The following SPAG16 variants were observed in gnomAD, a reference collection of about 807,000 sequenced individuals.
SPAG16 encodes sperm associated antigen 16.
SPAG16 carries 86 observed loss-of-function variants against 80.4 expected under a neutral mutation model. That is an observed-to-expected ratio of 1.07 (90% CI 0.90 to 1.28). SPAG16 has a LOEUF of 1.28. Among genes scored for constraint, SPAG16 ranks in the 50% most tolerant of loss-of-function variants. SPAG16 has a pLI of 0.00. For synonymous variants in SPAG16, 294 were observed against 265.9 expected, an observed-to-expected ratio of 1.11 and a Z score of -1.03; for missense variants, 870 against 765.3, an observed-to-expected ratio of 1.14 and a Z score of -1.61.
chr2:214,387,217 TATA>T (rs1204735428), intron 15 of SPAG16, among the ~76,000 whole-genome samples: 2 of 152,198 alleles, frequency 1.3e-5, no homozygotes, highest in Non-Finnish European at 2.9e-5. Flanking sequence ...ATGCCATATA[TATA>T]ATATTGGTAA....
intron 9 of SPAG16, among the ~76,000 whole-genome samples, chr2:213,452,651 G>A (rs2071769917): frequency 6.6e-6 from 1 of 152,142 alleles, no homozygotes; most frequent in African/African-American, 2.4e-5. Flanking sequence ...GTTGAGATGA[G>A]GACAATAATT....
chr2:213,374,984 T>G, intron 8 of SPAG16, 26 bp from the exon 9 acceptor site: 1 of 1,509,492 alleles, frequency 6.6e-7, no homozygotes, highest in Non-Finnish European at 9.0e-7. Flanking sequence ...GTGCAAATAT[T>G]AAGAATAAAT....
chr2:213,346,165 T>A (rs867660422), intron 6 of SPAG16, among the ~76,000 whole-genome samples: 6 of 152,190 alleles, frequency 3.9e-5, no homozygotes, highest in Middle Eastern at 6.3e-3. Context: ...AGTTCACTCA[T>A]GATTTGGCTC....
intron 8 of SPAG16, 45 bp downstream of exon 8, chr2:213,364,190 G>C (rs2066150295): frequency 8.3e-7 from 1 of 1,201,202 alleles, no homozygotes. Context: ...ATAGTTTGGT[G>C]ATTTCTCAAC....
intron 9 of SPAG16, chr2:213,396,813 G>T: frequency 3.9e-6 from 1 of 259,026 alleles, no homozygotes; most frequent in Non-Finnish European, 8.0e-6. Flanking sequence ...CTTTATCTGT[G>T]TTCTTTACAG....
At chr2:213,286,756 A>G (rs142952522) in intron 1 of SPAG16, among the ~76,000 whole-genome samples, 1 of 152,252 alleles carries the variant, frequency 6.6e-6, no homozygotes, top group Non-Finnish European at 1.5e-5. Flanking sequence ...TGAGCTATCA[A>G]TATCGAGCAA....
chr2:214,012,061 A>G (rs1315952879), intron 12 of SPAG16, among the ~76,000 whole-genome samples: 4 of 151,650 alleles, frequency 2.6e-5, no homozygotes, highest in African/African-American at 7.3e-5. Flanking sequence ...CACTAAAGTT[A>G]AACGGTTACC....
intron 9 of SPAG16, among the ~76,000 whole-genome samples, chr2:213,489,315 G>A (rs1034558094): frequency 6.6e-6 from 1 of 152,022 alleles, no homozygotes; most frequent in Non-Finnish European, 1.5e-5. Context: ...ACTGAGGAAG[G>A]ACTACTTTCT....
intron 9 of SPAG16, among the ~76,000 whole-genome samples, chr2:213,406,680 G>A (rs780868292): frequency 5.9e-5 from 9 of 152,088 alleles, no homozygotes; most frequent in Non-Finnish European, 1.2e-4. Context: ...CTGTATGGGC[G>A]CACCCTTCTA....
At chr2:213,422,390 C>G in intron 9 of SPAG16, 2 of 661,200 alleles carry the variant, frequency 3.0e-6, no homozygotes, top group Non-Finnish European at 5.5e-6. Flanking sequence ...ACTGCAGCAG[C>G]TGGCATGCCT....
chr2:213,443,316 C>T (rs565008385), intron 9 of SPAG16, among the ~76,000 whole-genome samples: 40 of 152,268 alleles, frequency 2.6e-4, no homozygotes, highest in Admixed American at 2.3e-3. Context: ...TTCTTTCCCT[C>T]CTTGTCACTA....
chr2:213,607,973 T>C (rs775906326), intron 10 of SPAG16, among the ~76,000 whole-genome samples: 5 of 152,358 alleles, frequency 3.3e-5, no homozygotes, highest in Middle Eastern at 3.4e-3. Flanking sequence ...TAGAAAGTAC[T>C]AAATTTAACT....
rs117619722 is a variant in SPAG16 at position 214,108,274 on chromosome 2, C to T, written c.1593+13C>T. On this transcript the variant is annotated intron_variant, in intron 14 of 15. Transcript: ENST00000331683. ...TTTTGATCCCAGGGTAAGTTCAGTT[C>T]TCCCAGTAAACTGTTTTTAATGCTT... 389 of 1,596,666 alleles carry T rather than the reference C, an allele frequency of 2.4e-4. 2 individuals are homozygous for T. In the East Asian group the frequency reaches 8.3e-3, roughly 34 times the overall value.
At chr2:214,178,013 T>TATATATG (rs1559108494) in intron 15 of SPAG16, among the ~76,000 whole-genome samples, 2 of 67,336 alleles carry the variant, frequency 3.0e-5, no homozygotes. Context: ...ATATATATAT[T>TATATATG]CATACTTTAT....
At chr2:214,350,349 C>A (rs1698316011) in intron 15 of SPAG16, among the ~76,000 whole-genome samples, 1 of 152,218 alleles carries the variant, frequency 6.6e-6, no homozygotes, top group Admixed American at 6.5e-5. Context: ...TGTCTCCGGG[C>A]TCTCTTCTCT....
intron 9 of SPAG16, among the ~76,000 whole-genome samples, chr2:213,454,255 C>A (rs964884812): frequency 6.6e-6 from 1 of 151,976 alleles, no homozygotes; most frequent in Non-Finnish European, 1.5e-5. Context: ...TAAAAATTTT[C>A]TTGATGTTAG....
intron 10 of SPAG16, among the ~76,000 whole-genome samples, chr2:213,548,412 C>T (rs868186871): frequency 5.9e-5 from 9 of 152,116 alleles, no homozygotes; most frequent in Non-Finnish European, 1.2e-4. Context: ...GGGGTTTCAC[C>T]ATGTTGGCCA....
At chr2:213,908,870 C>A (rs2077538426) in intron 11 of SPAG16, among the ~76,000 whole-genome samples, 1 of 151,330 alleles carries the variant, frequency 6.6e-6, no homozygotes. Context: ...TGTGCTGCAC[C>A]CATTAACTCA....
chr2:213,885,325 C>T (rs915683545), intron 11 of SPAG16, among the ~76,000 whole-genome samples: 6 of 152,098 alleles, frequency 3.9e-5, no homozygotes, highest in African/African-American at 1.2e-4. Flanking sequence ...CTGCATGGCT[C>T]CTTTATATTT....
Sources: gnomAD v4.1 joint callset for allele counts (sites outside exome capture counted in the v4.1 genomes callset) on GRCh38, gnomAD v4.1.1 for gene constraint, MANE v1.5 for transcripts, NCBI Gene and HGNC (gene_info 2026-07-23, HGNC 2026-07-21) for gene names.